TWIST1: variants seen among roughly 807,000 people sequenced by gnomAD.
The protein encoded by TWIST1 is twist family bHLH transcription factor 1.
TWIST1 carries 8 observed loss-of-function variants against 12.9 expected under a neutral mutation model. That is an observed-to-expected ratio of 0.62 (90% CI 0.37 to 1.12). TWIST1 has a LOEUF of 1.12. TWIST1 is among the 50% of genes most tolerant of loss of function. The pLI is 0.02. For synonymous variants in TWIST1, 169 were observed against 138.7 expected (o/e 1.22, Z -1.54); for missense variants, 268 against 299.7 (o/e 0.89, Z 0.78).
In TWIST1 at chr7:19,117,313, C is replaced by T. The variant is rs1788596330; in HGVS notation, c.9G>A (p.Gln3=). Residue 3 remains glutamine (Q), a synonymous_variant, in exon 1 of 2, where the codon CAG becomes CAA. Transcript: ENST00000242261. MM[Q]DVSSSPVSPA... ...GCGAGACTGGCGAGCTGGACACGTCCTGCATCATCTCTCGAGCGGCGACGC... is the reference window on the plus strand; with the variant it reads ...GCGAGACTGGCGAGCTGGACACGTCTTGCATCATCTCTCGAGCGGCGACGC... The T allele has an allele frequency of 2.0e-6, 3 of 1,470,158 alleles. No individual in the cohort carries two copies. Among genetic ancestry groups the T allele is most frequent in the South Asian group, 1.3e-5 (1 of 78,512 alleles). 91.1% of individuals were successfully genotyped at this position (1,470,158 alleles called of 1,614,324 possible).
chr7:19,117,472 C>T lies in TWIST1; in HGVS notation c.-151G>A, dbSNP rs1183596529. The T allele has an allele frequency of 1.8e-6, 2 of 1,137,280 alleles. No homozygotes were observed. Among genetic ancestry groups the T allele is most frequent in the East Asian group, 4.7e-5 (1 of 21,066 alleles). 70.4% of individuals were successfully genotyped at this position (1,137,280 alleles called of 1,614,324 possible). On this transcript the variant is annotated 5_prime_UTR_variant, in exon 1 of 2. Transcript: ENST00000242261. ...GGAGGACGGACGGGAGGGACCTCCGCGGGGAGGGCGCGCGGGGGAGGCGGG... is the reference window on the plus strand; with the variant it reads ...GGAGGACGGACGGGAGGGACCTCCGTGGGGAGGGCGCGCGGGGGAGGCGGG...
chr7:19,115,943 C>T lies in TWIST1; in HGVS notation c.*231G>A, dbSNP rs1186618474. 1 of 151,816 alleles carries T rather than the reference C, an allele frequency of 6.6e-6. No homozygotes were observed. The highest frequency in any genetic ancestry group is 1.5e-5 in the Non-Finnish European group (1 of 67,952). The allele number at this position is 151,816 out of a possible 1,614,324, so 9.4% of individuals were successfully genotyped here. On this transcript the variant is annotated 3_prime_UTR_variant, in exon 2 of 2. Transcript: ENST00000242261. ...GTGTGAGGATGGTGCCGCTGCCCGTCTGGGAATCACTGTCCACGGGCCTGT... is the reference window on the plus strand; with the variant it reads ...GTGTGAGGATGGTGCCGCTGCCCGTTTGGGAATCACTGTCCACGGGCCTGT...
In TWIST1 at chr7:19,116,080, G is replaced by A. The variant is rs1788558551; in HGVS notation, c.*94C>T. 1 of 147,276 alleles carries A rather than the reference G, an allele frequency of 6.8e-6. No homozygotes were observed. Among genetic ancestry groups the A allele is most frequent in the African/African-American group, 2.5e-5 (1 of 40,338 alleles). 9.1% of individuals were successfully genotyped at this position (147,276 alleles called of 1,614,324 possible). A position where few individuals can be genotyped will look rare whatever the true frequency, so the allele number is the denominator to read the frequency against. ...ATATATTTTTATTTTTAGTTATCCA[G>A]CTCCAGAGTCTCTAGACTGTCCATT... On this transcript the variant is annotated 3_prime_UTR_variant, in exon 2 of 2. Coordinates refer to ENST00000242261, the MANE Select transcript of TWIST1 (RefSeq NM_000474.4).
downstream of TWIST1, chr7:19,113,344 G>C (rs1191017907): frequency 6.6e-6 from 1 of 152,152 alleles, no homozygotes; most frequent in Non-Finnish European, 1.5e-5. Flanking sequence ...GATCCCAAGT[G>C]AACCAACACA....
In TWIST1 at chr7:19,115,688, G is replaced by T. The variant is rs1788549492; in HGVS notation, c.*486C>A. On this transcript the variant is annotated 3_prime_UTR_variant, in exon 2 of 2. Transcript: ENST00000242261. ...AGAATTAACTGACTATGGTTTTGCAGGCCAGTTTGATCCCAGTATTTTTAT... is the reference window on the plus strand; with the variant it reads ...AGAATTAACTGACTATGGTTTTGCATGCCAGTTTGATCCCAGTATTTTTAT... 1 of 151,926 alleles carries T rather than the reference G, an allele frequency of 6.6e-6. No homozygotes were observed. The highest frequency in any genetic ancestry group is 1.5e-5 in the Non-Finnish European group (1 of 67,960). The allele number at this position is 151,926 out of a possible 1,614,324, so 9.4% of individuals were successfully genotyped here. A position where few individuals can be genotyped will look rare whatever the true frequency, so the allele number is the denominator to read the frequency against.
downstream of TWIST1, chr7:19,113,287 A>G (rs1386129257): frequency 6.6e-6 from 1 of 152,224 alleles, no homozygotes; most frequent in Admixed American, 6.5e-5. Flanking sequence ...TACCCAAGAC[A>G]ATTTAATACA....
downstream of TWIST1, chr7:19,113,442 AAAATG>A (rs1788509312): frequency 6.6e-6 from 1 of 152,238 alleles, no homozygotes; most frequent in African/African-American, 2.4e-5. Flanking sequence ...TAGCAAAAAT[AAAATG>A]AAATAACATA....
In TWIST1 at chr7:19,116,704, C is replaced by T. The variant is rs1420542078; in HGVS notation, c.*9G>A. 2 of 1,596,222 alleles carry T rather than the reference C, an allele frequency of 1.3e-6. No individual in the cohort carries two copies. Among genetic ancestry groups the T allele is most frequent in the Admixed American group, 1.7e-5 (1 of 57,736 alleles). ...CCGGCCCTGCTGAGGGGGTGGGGGG[C>T]TCCGCCTGCTAGTGGGACGCGGACA... On this transcript the variant is annotated 3_prime_UTR_variant, in exon 1 of 2. Transcript: ENST00000242261.
chr7:19,117,453 C>A lies in TWIST1; in HGVS notation c.-132G>T. On this transcript the variant is annotated 5_prime_UTR_variant, in exon 1 of 2. Coordinates refer to ENST00000242261, the MANE Select transcript of TWIST1 (RefSeq NM_000474.4). ...GCCCGCGGAGGAGAGAGCAGGAGGA[C>A]GGACGGGAGGGACCTCCGCGGGGAG... The A allele has an allele frequency of 8.5e-7, 1 of 1,174,776 alleles. No individual in the cohort carries two copies. The highest frequency in any genetic ancestry group is 1.1e-6 in the Non-Finnish European group (1 of 947,280). 72.8% of individuals were successfully genotyped at this position (1,174,776 alleles called of 1,614,324 possible).
Position 19,117,078 on chromosome 7 carries a change from CACAG to C in TWIST1, c.240_243del (p.Cys81AlafsTer43). 7.2e-7 allele frequency: 1 copy of C among 1,395,778 alleles called. No individual in the cohort carries two copies. Among genetic ancestry groups the C allele is most frequent in the East Asian group, 3.0e-5 (1 of 33,120 alleles). 86.5% of individuals were successfully genotyped at this position (1,395,778 alleles called of 1,614,324 possible). ...CCGCCGCCCGCGCCGCCGCCGCCGCCACAGCCCGCAGACTTCTTGCCGCGCTTGC... is the reference window on the plus strand; with the variant it reads ...CCGCCGCCCGCGCCGCCGCCGCCGCCCCCGCAGACTTCTTGCCGCGCTTGC... On this transcript the variant is annotated frameshift_variant, in exon 1 of 2. Transcript: ENST00000242261. LOFTEE classifies it high-confidence loss of function.
intron 1 of TWIST1, 122 bp downstream of exon 1, chr7:19,116,549 G>C (rs1788570253): frequency 1.2e-6 from 1 of 843,398 alleles, no homozygotes. Context: ...TGCCAAGTGA[G>C]GTGGGAAGGC....
chr7:19,116,836 G>A lies in TWIST1; in HGVS notation c.486C>T (p.Val162=), dbSNP rs774600019. ...TGGAGTCCAGCTCGTCGCTCTGGAG[G>A]ACCTGGTAGAGGAAGTCGATGTACC... The part of the protein sequence containing the change: ...AARYIDFLYQ[V]LQSDELDSKM... The change falls in exon 1 of 2, where the codon GTC becomes GTT. Residue 162 remains valine, a synonymous_variant. Transcript: ENST00000242261. 4 of 1,614,162 alleles carry A rather than the reference G, an allele frequency of 2.5e-6. 1 individual carries two copies. The South Asian group carries it at 3.3e-5, about 13-fold the overall frequency.
At chr7:19,115,354 A>G (rs1788543166), downstream of TWIST1, 1 of 152,504 alleles carries the variant, frequency 6.6e-6, no homozygotes, top group Non-Finnish European at 1.5e-5. Flanking sequence ...TGAGTTTTTC[A>G]TTGCTTTGTT....
At chr7:19,114,780 G>A (rs1788533647), downstream of TWIST1, among the ~76,000 whole-genome samples, 1 of 152,144 alleles carries the variant, frequency 6.6e-6, no homozygotes, top group Non-Finnish European at 1.5e-5. Flanking sequence ...GATACTGAAA[G>A]TTCAGGATCT....
chr7:19,117,268 G>A lies in TWIST1; in HGVS notation c.54C>T (p.Ser18=). ...SPVSPADDSL[S]NSEEEPDRQQ... is the part of the protein sequence containing the mutation. ...GCCGGTCTGGCTCTTCCTCGCTGTT[G>A]CTCAGGCTGTCGTCGGCCGGCGAGA... Residue 18 remains serine (S), a synonymous_variant, in exon 1 of 2, where the codon AGC becomes AGT. Transcript: ENST00000242261. 2 of 1,473,072 alleles carry A rather than the reference G, an allele frequency of 1.4e-6. No individual in the cohort carries two copies. Among genetic ancestry groups the A allele is most frequent in the Admixed American group, 2.2e-5 (1 of 44,642 alleles). 91.3% of individuals were successfully genotyped at this position (1,473,072 alleles called of 1,614,324 possible).
At chr7:19,114,684 T>C (rs1398457532), downstream of TWIST1, among the ~76,000 whole-genome samples, 2 of 152,192 alleles carry the variant, frequency 1.3e-5, no homozygotes, top group African/African-American at 2.4e-5. Context: ...GGATAAAATA[T>C]AACGCTAATG....
downstream of TWIST1, chr7:19,113,601 T>C (rs918728834): frequency 6.6e-6 from 1 of 152,234 alleles, no homozygotes; most frequent in African/African-American, 2.4e-5. Context: ...CAGTAGTTAA[T>C]ATTTTTCATT....
intron 1 of TWIST1, 35 bp downstream of exon 1, chr7:19,116,636 T>G: frequency 2.0e-6 from 3 of 1,499,484 alleles, no homozygotes; most frequent in East Asian, 2.5e-5. Flanking sequence ...GTCTGCCACC[T>G]GAGAGGCGAA....
Position 19,117,361 on chromosome 7 carries a change from G to C in TWIST1, c.-40C>G. The C allele has an allele frequency of 7.1e-7, 1 of 1,401,900 alleles. No homozygotes were observed. Among genetic ancestry groups the C allele is most frequent in the South Asian group, 1.4e-5 (1 of 70,832 alleles). The allele number at this position is 1,401,900 out of a possible 1,614,324, so 86.8% of individuals were successfully genotyped here. Reference sequence around the variant, plus strand: ...CGCGTGGCCTCGCGGGCCCGGGGCAGAGGAGAAGAGCGGGGCGCCTCAGCC... The same window carrying C: ...CGCGTGGCCTCGCGGGCCCGGGGCACAGGAGAAGAGCGGGGCGCCTCAGCC... On this transcript the variant is annotated 5_prime_UTR_variant, in exon 1 of 2. Coordinates refer to ENST00000242261, the MANE Select transcript of TWIST1 (RefSeq NM_000474.4).
Sources: allele counts gnomAD v4.1 joint callset (sites outside exome capture counted in the v4.1 genomes callset), GRCh38; gene constraint gnomAD v4.1.1; transcripts MANE v1.5; gene names NCBI Gene and HGNC (gene_info 2026-07-23, HGNC 2026-07-21).